Variants in TBC1D22A observed in about 807,000 individuals in gnomAD.
TBC1D22A encodes the protein putative GTPase activator.
In TBC1D22A, 38 loss-of-function variants were observed where a neutral mutation model predicts 60.2. The observed-to-expected ratio is 0.63, with a 90% CI of 0.49 to 0.83. TBC1D22A has a LOEUF of 0.83. Ranked by LOEUF, TBC1D22A falls within the 40% of genes least tolerant of loss-of-function variation. The probability of loss-of-function intolerance (pLI) is 0.00; values close to 1 mark genes in which losing one functional copy is unlikely to be tolerated. For missense variants in TBC1D22A, 628 were observed against 701.0 expected (o/e 0.90, Z 1.18); for synonymous variants, 302 against 281.7 (o/e 1.07, Z -0.72).
At chr22:47,005,865 AC>A (rs200225816) in intron 10 of TBC1D22A, among the ~76,000 whole-genome samples, 2 of 148,462 alleles carry the variant, frequency 1.3e-5, no homozygotes, top group Non-Finnish European at 3.0e-5. Context: ...CTATACAGAC[AC>A]CCCCATATAC....
chr22:46,901,671 C>T lies in TBC1D22A; in HGVS notation c.900+6825C>T, dbSNP rs528275110. Among the ~76,000 whole-genome samples the T allele has an allele frequency of 5.3e-5, 8 of 151,534 alleles. No individual in the cohort carries two copies. In the South Asian group the frequency reaches 6.3e-4, roughly 12 times the overall value. ...AACCCAATTCTAGATTTCTACAGTT[C>T]GATTTTGGTTTCATTCATCAAGTGT... On this transcript the variant is annotated intron_variant, in intron 7 of 12. Transcript: ENST00000337137.
At chr22:47,158,305 T>A (rs2067804548) in intron 12 of TBC1D22A, among the ~76,000 whole-genome samples, 1 of 152,214 alleles carries the variant, frequency 6.6e-6, no homozygotes, top group Non-Finnish European at 1.5e-5. Context: ...AATAAAGTGC[T>A]TAAGAAAGTC....
chr22:46,789,849 T>C (rs1039251770), intron 1 of TBC1D22A, among the ~76,000 whole-genome samples: 21 of 152,154 alleles, frequency 1.4e-4, no homozygotes, highest in Non-Finnish European at 2.9e-4. Flanking sequence ...GATTGAAAAC[T>C]TAAGGGTAGG....
chr22:47,097,942 C>G (rs2065248725), intron 11 of TBC1D22A, among the ~76,000 whole-genome samples: 1 of 152,078 alleles, frequency 6.6e-6, no homozygotes, highest in Non-Finnish European at 1.5e-5. Flanking sequence ...AGGAGGGGCT[C>G]TGAGTGCTAG....
chr22:47,051,774 C>T (rs989583138), intron 11 of TBC1D22A, among the ~76,000 whole-genome samples: 2 of 152,202 alleles, frequency 1.3e-5, no homozygotes, highest in Non-Finnish European at 2.9e-5. Context: ...TCCTTCCTCT[C>T]GCGCTCCTCT....
chr22:46,875,386 G>T (rs2067505144), intron 4 of TBC1D22A, among the ~76,000 whole-genome samples: 1 of 152,218 alleles, frequency 6.6e-6, no homozygotes, highest in South Asian at 2.1e-4. Context: ...AACTGGGAGT[G>T]GGGGCCAAGA....
intron 12 of TBC1D22A, among the ~76,000 whole-genome samples, chr22:47,127,789 A>G (rs1351501085): frequency 6.6e-6 from 1 of 151,820 alleles, no homozygotes; most frequent in African/African-American, 2.4e-5. Context: ...GGGCTCACAG[A>G]TGTGCTGCTC....
intron 10 of TBC1D22A, among the ~76,000 whole-genome samples, chr22:47,015,576 T>C (rs543778690): frequency 6.6e-6 from 1 of 152,216 alleles, no homozygotes; most frequent in Non-Finnish European, 1.5e-5. Flanking sequence ...AAGGAATTGT[T>C]TCTTGTCTTG....
intron 10 of TBC1D22A, among the ~76,000 whole-genome samples, chr22:46,999,561 C>G (rs1203934851): frequency 2.0e-5 from 3 of 152,122 alleles, no homozygotes; most frequent in African/African-American, 7.2e-5. Flanking sequence ...CATCCCTGAG[C>G]AAACTTGGGA....
chr22:47,005,251 A>G (rs766040509), intron 10 of TBC1D22A, among the ~76,000 whole-genome samples: 8 of 151,268 alleles, frequency 5.3e-5, no homozygotes, highest in Non-Finnish European at 1.2e-4. Flanking sequence ...AAACACCACT[A>G]TACACACACC....
intron 4 of TBC1D22A, among the ~76,000 whole-genome samples, chr22:46,801,805 G>C (rs1384599185): frequency 1.3e-5 from 2 of 152,268 alleles, no homozygotes; most frequent in Non-Finnish European, 2.9e-5. Context: ...CACTTCCCCT[G>C]AGGGGTGACC....
chr22:46,881,485 CCT>C (rs1385789411), intron 5 of TBC1D22A, among the ~76,000 whole-genome samples: 1 of 152,174 alleles, frequency 6.6e-6, no homozygotes, highest in Admixed American at 6.5e-5. Context: ...GCACTGCTGC[CCT>C]GTGTCTGTCC....
At chr22:47,077,403 T>C in intron 11 of TBC1D22A, among the ~76,000 whole-genome samples, 1 of 152,224 alleles carries the variant, frequency 6.6e-6, no homozygotes, top group East Asian at 1.9e-4. Flanking sequence ...CTTTAACCTG[T>C]GATCCCAGGT....
At chr22:47,043,065 T>C (rs131892) in intron 11 of TBC1D22A, among the ~76,000 whole-genome samples, 97,153 of 151,568 alleles carry the variant, frequency 0.64, 32,095 homozygotes, top group East Asian at 0.92. Flanking sequence ...CCCTCAGGCA[T>C]AGCAACGGGA....
chr22:46,961,070 A>G (rs960059135), intron 8 of TBC1D22A, among the ~76,000 whole-genome samples: 1 of 151,788 alleles, frequency 6.6e-6, no homozygotes, highest in African/African-American at 2.4e-5. Flanking sequence ...GAAGATACAA[A>G]CACAGATCTT....
At chr22:46,922,698 T>C (rs912655988) in intron 8 of TBC1D22A, among the ~76,000 whole-genome samples, 2 of 152,206 alleles carry the variant, frequency 1.3e-5, no homozygotes, top group African/African-American at 4.8e-5. Context: ...GTGGCTGTTG[T>C]AAATGGGATT....
intron 12 of TBC1D22A, among the ~76,000 whole-genome samples, chr22:47,137,096 C>T (rs895060328): frequency 9.2e-5 from 14 of 152,144 alleles, no homozygotes; most frequent in Admixed American, 5.9e-4. Context: ...GTCTTCGTGC[C>T]GTCTCGTGAT....
intron 12 of TBC1D22A, among the ~76,000 whole-genome samples, chr22:47,130,587 G>A (rs1042925911): frequency 2.6e-5 from 4 of 152,136 alleles, no homozygotes; most frequent in African/African-American, 9.7e-5. Flanking sequence ...TGAGAGATTC[G>A]CTGCCATGTG....
chr22:46,803,659 A>G (rs774364734), intron 4 of TBC1D22A, among the ~76,000 whole-genome samples: 1 of 152,224 alleles, frequency 6.6e-6, no homozygotes, highest in Non-Finnish European at 1.5e-5. Flanking sequence ...ACTGAAAGGC[A>G]GGCACAGCCT....
Sources: allele counts gnomAD v4.1 joint callset (sites outside exome capture counted in the v4.1 genomes callset), GRCh38; gene constraint gnomAD v4.1.1; transcripts MANE v1.5; gene names NCBI Gene and HGNC (gene_info 2026-07-23, HGNC 2026-07-21).